Variants in HIVEP1 observed in about 807,000 individuals in gnomAD.
The protein encoded by HIVEP1 is HIVEP zinc finger 1.
A neutral mutation model predicts 180.0 loss-of-function variants in HIVEP1; 36 were observed. That is an observed-to-expected ratio of 0.20 (90% CI 0.15 to 0.26). The LOEUF (loss-of-function observed/expected upper bound fraction) is 0.26, where lower values mean the gene tolerates loss of function less well. Ranked by LOEUF, HIVEP1 falls within the 10% of genes least tolerant of loss-of-function variation. The pLI is 1.00. For synonymous variants in HIVEP1, 1,239 were observed against 1,239.0 expected, an observed-to-expected ratio of 1.00 and a Z score of 0.00; for missense variants, 3,143 against 3,268.7, an observed-to-expected ratio of 0.96 and a Z score of 0.94.
intron 2 of HIVEP1, among the ~76,000 whole-genome samples, chr6:12,025,556 G>A (rs1768523822): frequency 6.6e-6 from 1 of 152,172 alleles, no homozygotes; most frequent in South Asian, 2.1e-4. Context: ...CCTAACAGTT[G>A]AAATTTCGGA....
chr6:12,026,111 T>C (rs747879490), intron 2 of HIVEP1, among the ~76,000 whole-genome samples: 24 of 151,494 alleles, frequency 1.6e-4, no homozygotes, highest in Non-Finnish European at 2.8e-4. Flanking sequence ...GCAGTGAAAA[T>C]GCTAGTAGGC....
the HIVEP1 span, among the ~76,000 whole-genome samples, chr6:12,180,788 T>G: frequency 6.6e-6 from 1 of 152,236 alleles, no homozygotes; most frequent in African/African-American, 2.4e-5. Flanking sequence ...AGATTAATAT[T>G]CAAATCCGTG....
intron 3 of HIVEP1, among the ~76,000 whole-genome samples, chr6:12,097,159 G>C (rs1292714845): frequency 6.6e-6 from 1 of 151,846 alleles, no homozygotes; most frequent in Non-Finnish European, 1.5e-5. Context: ...TTCTTATTAG[G>C]AAATAATATA....
At chr6:12,099,183 G>GGTTTTTTTTTTTTTTTT (rs373744044) in intron 3 of HIVEP1, among the ~76,000 whole-genome samples, 9 of 138,458 alleles carry the variant, frequency 6.5e-5, no homozygotes, top group African/African-American at 2.2e-4. Flanking sequence ...ATGTCACTGA[G>GGTTTTTTTTTTTTTTTT]TTTTTTTTTT....
intron 2 of HIVEP1, among the ~76,000 whole-genome samples, chr6:12,033,868 A>C (rs1000001951): frequency 6.6e-6 from 1 of 152,234 alleles, no homozygotes; most frequent in Non-Finnish European, 1.5e-5. Flanking sequence ...GTAATTCTTA[A>C]ACTAGTTGGA....
chr6:12,128,317 A>G (rs546755598), intron 4 of HIVEP1, among the ~76,000 whole-genome samples: 190 of 152,336 alleles, frequency 1.2e-3, no homozygotes, highest in African/African-American at 4.4e-3. Context: ...AACATGGGCC[A>G]GCAGCTTTTC....
chr6:12,061,985 T>A (rs929026308), intron 2 of HIVEP1, among the ~76,000 whole-genome samples: 1 of 152,166 alleles, frequency 6.6e-6, no homozygotes, highest in Non-Finnish European at 1.5e-5. Flanking sequence ...TATAGTAGAG[T>A]CAAAAATAGT....
At chr6:12,182,553 T>A in the HIVEP1 span, among the ~76,000 whole-genome samples, 2 of 152,188 alleles carry the variant, frequency 1.3e-5, no homozygotes, top group African/African-American at 2.4e-5. Flanking sequence ...TTCAGTTTAG[T>A]TCAGGGCTGA....
chr6:12,109,155 A>ATT (rs35549154), intron 3 of HIVEP1, among the ~76,000 whole-genome samples: 3 of 151,012 alleles, frequency 2.0e-5, no homozygotes, highest in South Asian at 2.1e-4. Context: ...AATTTTTTAA[A>ATT]TTTTTTTAAA....
the HIVEP1 span, among the ~76,000 whole-genome samples, chr6:12,195,761 T>C: frequency 1.3e-5 from 2 of 152,238 alleles, no homozygotes; most frequent in Middle Eastern, 3.2e-3. Context: ...GTTTCCTTTT[T>C]AAATCAAATT....
rs1293503184 is a variant in HIVEP1 at position 12,019,275 on chromosome 6, G to A, written c.40+3607G>A. 2.0e-5 allele frequency among the ~76,000 whole-genome samples: 3 copies of A among 152,180 alleles called. No individual in the cohort carries two copies. In the East Asian group the frequency reaches 5.8e-4, roughly 29 times the overall value. ...CAAAGGGACAGAGGGGTTGGTGCTCGGCGGTGACACCTAGAAACTTCCGCG... is the reference window on the plus strand; with the variant it reads ...CAAAGGGACAGAGGGGTTGGTGCTCAGCGGTGACACCTAGAAACTTCCGCG... On this transcript the variant is annotated intron_variant, in intron 2 of 8. Coordinates refer to ENST00000379388, the MANE Select transcript of HIVEP1 (RefSeq NM_002114.4).
intron 2 of HIVEP1, among the ~76,000 whole-genome samples, chr6:12,028,281 A>G (rs1768715950): frequency 1.3e-5 from 2 of 152,198 alleles, no homozygotes; most frequent in South Asian, 4.1e-4. Context: ...GGTGTTGGAC[A>G]TGTTGTGGAG....
intron 2 of HIVEP1, among the ~76,000 whole-genome samples, chr6:12,026,445 A>G (rs1430547822): frequency 6.6e-6 from 1 of 152,236 alleles, no homozygotes; most frequent in Non-Finnish European, 1.5e-5. Context: ...TGGTAGAAGA[A>G]TGAATGGGGG....
intron 3 of HIVEP1, among the ~76,000 whole-genome samples, chr6:12,101,951 C>A (rs904348373): frequency 5.2e-5 from 7 of 135,156 alleles, no homozygotes; most frequent in Non-Finnish European, 9.7e-5. Flanking sequence ...GCTGGAGTGG[C>A]TATGTTAATA....
chr6:12,092,942 A>G (rs886775308), intron 3 of HIVEP1, among the ~76,000 whole-genome samples: 1 of 152,220 alleles, frequency 6.6e-6, no homozygotes. Flanking sequence ...ATTGGCTGCA[A>G]CTAGCCACCT....
intron 2 of HIVEP1, among the ~76,000 whole-genome samples, chr6:12,070,846 C>A (rs1214465428): frequency 6.6e-6 from 1 of 152,138 alleles, no homozygotes. Context: ...GTATCTTTAT[C>A]AGTTTCTTGC....
intron 2 of HIVEP1, among the ~76,000 whole-genome samples, chr6:12,074,643 T>TGTGTGTGTGTGTATGTGTGTGC (rs573970756): frequency 0.044 from 6,556 of 148,104 alleles, 215 homozygotes; most frequent in Middle Eastern, 0.069. Flanking sequence ...TGTGTGTGTG[T>TGTGTGTGTGTGTATGTGTGTGC]GCGCGCGCGT....
intron 3 of HIVEP1, among the ~76,000 whole-genome samples, chr6:12,115,271 AG>A (rs905276982): frequency 4.4e-4 from 66 of 151,612 alleles, no homozygotes; most frequent in African/African-American, 1.5e-3. Context: ...CCTAATAAAT[AG>A]ATTTGTGCCT....
At chr6:12,036,384 A>G (rs975018543) in intron 2 of HIVEP1, among the ~76,000 whole-genome samples, 20 of 152,242 alleles carry the variant, frequency 1.3e-4, no homozygotes, top group African/African-American at 4.8e-4. Flanking sequence ...TATGTATAGG[A>G]TATACAATTG....
Sources: allele counts gnomAD v4.1 joint callset (sites outside exome capture counted in the v4.1 genomes callset), GRCh38; gene constraint gnomAD v4.1.1; transcripts MANE v1.5; gene names NCBI Gene and HGNC (gene_info 2026-07-23, HGNC 2026-07-21).